The following ZNF112 variants were observed in gnomAD, a reference collection of about 807,000 sequenced individuals.
The protein encoded by ZNF112 is zinc finger protein 112.
In ZNF112, 37 loss-of-function variants were observed where a neutral mutation model predicts 77.7. That is an observed-to-expected ratio of 0.48 (90% confidence interval 0.37 to 0.63). The LOEUF (loss-of-function observed/expected upper bound fraction) is 0.63, where lower values mean the gene tolerates loss of function less well. Ranked by LOEUF, ZNF112 falls within the 20% of genes least tolerant of loss-of-function variation. The pLI, the probability that ZNF112 is intolerant of heterozygous loss-of-function variation, is 0.00. For synonymous variants in ZNF112, 333 were observed against 363.6 expected (o/e 0.92, Z 0.96); for missense variants, 950 against 1,077.4 (o/e 0.88, Z 1.66).
chr19:44,330,766 T>C (rs1032135812), intron 3 of ZNF112, among the ~76,000 whole-genome samples: 6 of 152,110 alleles, frequency 3.9e-5, no homozygotes. Flanking sequence ...ACTATAAACA[T>C]GTTATCATGG....
rs758275592 is a variant in ZNF112 at position 44,329,041 on chromosome 19, A to G, written c.1116T>C (p.Phe372=). The change falls in exon 4 of 4, where the codon TTT becomes TTC. Residue 372 remains phenylalanine (F), a synonymous_variant. Transcript: ENST00000354340. The part of the protein sequence containing the change: ...FSHSLDLNSI[F]RVHTRDEPHE... ...GGGGTTCATCCCTAGTATGGACCCT[A>G]AAAATACTATTAAGGTCTAAGCTAT... 83 of 1,613,758 alleles carry G rather than the reference A, an allele frequency of 5.1e-5. No individual in the cohort carries two copies. Among genetic ancestry groups the G allele is most frequent in the Non-Finnish European group, 6.9e-5 (81 of 1,179,966 alleles).
At chr19:44,330,075 A>C (rs1220535162) in intron 3 of ZNF112, 139 bp from the exon 4 acceptor site, 7 of 647,392 alleles carry the variant, frequency 1.1e-5, no homozygotes, top group Non-Finnish European at 1.8e-5. Flanking sequence ...GAATACTTAG[A>C]AAATATCTCC....
intron 1 of ZNF112, among the ~76,000 whole-genome samples, chr19:44,344,236 T>C: frequency 6.6e-6 from 1 of 152,220 alleles, no homozygotes; most frequent in African/African-American, 2.4e-5. Flanking sequence ...TGTGCTCCTC[T>C]GTGAAAAGCA....
chr19:44,338,444 A>G (rs1415292943), intron 2 of ZNF112, among the ~76,000 whole-genome samples: 2 of 152,194 alleles, frequency 1.3e-5, no homozygotes, highest in Non-Finnish European at 2.9e-5. Flanking sequence ...GGGAAACTGC[A>G]TAACATCGTG....
At position 44,327,804 on chromosome 19, in the gene ZNF112, G is replaced by A. The variant is rs746843109; in HGVS notation, c.2353C>T (p.Arg785Cys). 57 of 1,613,496 alleles carry A rather than the reference G, an allele frequency of 3.5e-5. No homozygotes were observed. The highest frequency in any genetic ancestry group is 2.9e-4 in the East Asian group (13 of 44,856). The change falls in exon 4 of 4, where the codon CGC (arginine) becomes TGC (cysteine). Residue 785 changes from arginine (R) to cysteine (C), a missense_variant. Physicochemically the swap from Arg to Cys is radical, Grantham distance 180. Coordinates refer to ENST00000354340, the MANE Select transcript of ZNF112 (RefSeq NM_013380.4). Reference protein sequence around the residue: ...VCTKGFSESSRLQAHQRVHVE... With the variant: ...VCTKGFSESSCLQAHQRVHVE... ...TGAACCCTTTGGTGTGCTTGAAGGC[G>A]TGAACTCTCACTGAAACCCTTTGTA...
chr19:44,329,406 G>A lies in ZNF112; in HGVS notation c.751C>T (p.Pro251Ser). 1 of 1,614,036 alleles carries A rather than the reference G, an allele frequency of 6.2e-7. No individual in the cohort carries two copies. Among genetic ancestry groups the A allele is most frequent in the Middle Eastern group, 1.7e-4 (1 of 6,058 alleles). Reference sequence around the variant, plus strand: ...TTTCTATACCCAGTACATGGATAGGGCTTCTCCTCTGTTTGAATTGACTCC... The same window carrying A: ...TTTCTATACCCAGTACATGGATAGGACTTCTCCTCTGTTTGAATTGACTCC... The part of the protein sequence containing the change: ...NQESIQTEEK[P>S]YPCTGYRKAF... Residue 251 changes from proline (P) to serine (S), a missense_variant, in exon 4 of 4, where the codon CCC becomes TCC. Physicochemically the swap from Pro to Ser is moderately conservative, Grantham distance 74. Around this residue, in one of 3 missense-constraint regions of ZNF112, gnomAD observed 560 missense variants for 557.3 expected, o/e 1.00. Coordinates refer to ENST00000354340, the MANE Select transcript of ZNF112 (RefSeq NM_013380.4).
At chr19:44,335,081 G>A (rs1017821417) in intron 3 of ZNF112, among the ~76,000 whole-genome samples, 1 of 152,236 alleles carries the variant, frequency 6.6e-6, no homozygotes, top group Non-Finnish European at 1.5e-5. Context: ...ATACCCTGCA[G>A]AGCCACAGAG....
chr19:44,363,111 AGTT>A (rs776358353), intron 1 of ZNF112, among the ~76,000 whole-genome samples: 142 of 151,858 alleles, frequency 9.4e-4, no homozygotes, highest in Non-Finnish European at 1.7e-3. Context: ...CTGGGACTAT[AGTT>A]GTGCCCAATC....
chr19:44,336,729 G>A lies in ZNF112; in HGVS notation c.125-11C>T. On this transcript the variant is annotated splice_polypyrimidine_tract_variant and intron_variant, in intron 2 of 3. Coordinates refer to ENST00000354340, the MANE Select transcript of ZNF112 (RefSeq NM_013380.4). ...TGAAGGGCTGATGTGCTGTAAAGAA[G>A]GAAAGGACAGCAAAAGTTTTTAAGT... 1.2e-6 allele frequency: 2 copies of A among 1,612,102 alleles called. No homozygotes were observed. Among genetic ancestry groups the A allele is most frequent in the South Asian group, 1.1e-5 (1 of 91,034 alleles).
At chr19:44,352,796 A>T (rs1201313437) in intron 1 of ZNF112, among the ~76,000 whole-genome samples, 2 of 152,118 alleles carry the variant, frequency 1.3e-5, no homozygotes, top group African/African-American at 4.8e-5. Context: ...GTCTAAACAA[A>T]ACATGTATAG....
Position 44,328,432 on chromosome 19 carries a change from A to G in ZNF112, c.1725T>C (p.Tyr575=), listed in dbSNP as rs61733036. The G allele has an allele frequency of 2.4e-4, 381 of 1,613,038 alleles. 1 individual carries two copies. In the African/African-American group the frequency reaches 4.3e-3, roughly 18 times the overall value. The stretch of plus-strand genomic sequence containing the variant: ...ACCCCTTCCCACATTCCTCACATTT[A>G]TAAGGTTTTTCTCCAGTGTGGACTC... ...HQRVHTGEKP[Y]KCEECGKGFS... Residue 575 remains tyrosine, a synonymous_variant, in exon 4 of 4, where the codon TAT becomes TAC. Transcript: ENST00000354340.
At chr19:44,337,809 G>GTATGTGTA (rs1342450669) in intron 2 of ZNF112, among the ~76,000 whole-genome samples, 1 of 141,462 alleles carries the variant, frequency 7.1e-6, no homozygotes, top group East Asian at 2.1e-4. Context: ...ATATTTCTAT[G>GTATGTGTA]TGTGTATATG....
intron 1 of ZNF112, among the ~76,000 whole-genome samples, chr19:44,351,176 G>A (rs1473853884): frequency 1.3e-5 from 2 of 151,944 alleles, no homozygotes; most frequent in Non-Finnish European, 2.9e-5. Context: ...TTCTAATTTT[G>A]ATCCTTCTGC....
At position 44,327,962 on chromosome 19, in the gene ZNF112, C is replaced by A. The variant is rs1445832908; in HGVS notation, c.2195G>T (p.Gly732Val). 1 of 1,610,424 alleles carries A rather than the reference C, an allele frequency of 6.2e-7. No individual in the cohort carries two copies. The highest frequency in any genetic ancestry group is 8.5e-7 in the Non-Finnish European group (1 of 1,178,890). The stretch of plus-strand genomic sequence containing the variant: ...CACTCTAGTGTGGACTCTCTGATGA[C>A]CTTGAAGATATGCTCTCTGACTGAA... ...KGFSQRAYLQ[G>V]HQRVHTRVKP... Residue 732 changes from glycine (G) to valine (V), a missense_variant, in exon 4 of 4, where the codon GGT becomes GTT. This residue lies in a region of ZNF112 where 373 missense variants were observed against 482.8 expected (regional missense o/e 0.77). Transcript: ENST00000354340.
At chr19:44,339,267 TAAGTCCCTGG>T (rs1351685926) in intron 2 of ZNF112, among the ~76,000 whole-genome samples, 1 of 152,212 alleles carries the variant, frequency 6.6e-6, no homozygotes, top group Non-Finnish European at 1.5e-5. Context: ...AGGTAATCGC[TAAGTCCCTGG>T]AATATACTGC....
chr19:44,352,610 TA>T (rs1443139607), intron 1 of ZNF112, among the ~76,000 whole-genome samples: 1 of 152,016 alleles, frequency 6.6e-6, no homozygotes, highest in Non-Finnish European at 1.5e-5. Flanking sequence ...CCAAGGAATC[TA>T]CCAAAAAACA....
At chr19:44,363,893 TAA>T (rs1178278913) in intron 1 of ZNF112, among the ~76,000 whole-genome samples, 1 of 152,194 alleles carries the variant, frequency 6.6e-6, no homozygotes, top group Non-Finnish European at 1.5e-5. Context: ...TTTTGAATCC[TAA>T]TAAGCATTTG....
At chr19:44,354,917 C>T (rs548639232) in intron 1 of ZNF112, among the ~76,000 whole-genome samples, 10 of 152,264 alleles carry the variant, frequency 6.6e-5, no homozygotes, top group Admixed American at 3.3e-4. Context: ...TAAGCTTCAA[C>T]GAATGAAAAC....
chr19:44,359,312 GTTCTTT>G (rs1568680494), upstream of ZNF112, among the ~76,000 whole-genome samples: 3 of 101,558 alleles, frequency 3.0e-5, no homozygotes, highest in African/African-American at 1.2e-4. Flanking sequence ...ATATATTAGA[GTTCTTT>G]TTTTTTTTTT....
Sources: gnomAD v4.1 joint callset for allele counts (sites outside exome capture counted in the v4.1 genomes callset) on GRCh38, gnomAD v4.1.1 for gene constraint, gnomAD v4.1.1 regional missense constraint, MANE v1.5 for transcripts, NCBI Gene and HGNC (gene_info 2026-07-23, HGNC 2026-07-21) for gene names.